Variants in PDXDC1 observed in about 807,000 individuals in gnomAD.
PDXDC1 encodes the protein pyridoxal-dependent decarboxylase domain-containing protein 1.
PDXDC1 carries 42 observed loss-of-function variants against 100.1 expected under a neutral mutation model. That is an observed-to-expected ratio of 0.42 (90% CI 0.33 to 0.54). PDXDC1 has a LOEUF of 0.54. PDXDC1 is among the 20% of genes least tolerant of loss of function. The pLI is 0.10. For synonymous variants in PDXDC1, 260 were observed against 371.7 expected (o/e 0.70, Z 3.46); for missense variants, 636 against 979.2 (o/e 0.65, Z 4.68).
chr16:15,038,458 A>AAGTT (rs1427490419), downstream of PDXDC1: 2 of 665,064 alleles, frequency 3.0e-6, no homozygotes, highest in East Asian at 2.7e-5. Context: ...GGCATCCAAA[A>AAGTT]AGTTACTACC....
At chr16:15,058,694 G>A (rs1312995230) in intron 16 of PDXDC1, among the ~76,000 whole-genome samples, 1 of 152,182 alleles carries the variant, frequency 6.6e-6, no homozygotes, top group Admixed American at 6.5e-5. Context: ...TTGCACCACT[G>A]CACTCCAGCC....
At chr16:15,083,439 A>G (rs1257577532) in intron 16 of PDXDC1, 1 of 1,577,874 alleles carries the variant, frequency 6.3e-7, no homozygotes, top group African/African-American at 1.4e-5. Context: ...AAGAAAGAAA[A>G]AGACCTAATA....
chr16:15,125,941 G>A (rs2047694394), intron 16 of PDXDC1: 1 of 631,456 alleles, frequency 1.6e-6, no homozygotes, highest in Admixed American at 2.4e-5. Flanking sequence ...TGGATATATG[G>A]GACATCTGCA....
chr16:15,002,910 A>G (rs1415828314), intron 4 of PDXDC1, among the ~76,000 whole-genome samples: 3 of 152,170 alleles, frequency 2.0e-5, no homozygotes, highest in Admixed American at 1.3e-4. Context: ...CAGGTTTTTT[A>G]AATTATGAAC....
downstream of PDXDC1, chr16:15,040,976 C>T (rs115492592): frequency 1.2e-3 from 1,052 of 877,440 alleles, 9 homozygotes; most frequent in African/African-American, 0.015. Context: ...GCTGTCCCAT[C>T]CTGACAGCAG....
intron 1 of PDXDC1, among the ~76,000 whole-genome samples, chr16:14,977,733 TTTAA>T (rs1301372468): frequency 6.6e-6 from 1 of 152,282 alleles, no homozygotes; most frequent in East Asian, 1.9e-4. Context: ...AAGTGAAACA[TTTAA>T]TTGTGTTCAT....
chr16:15,072,688 C>T (rs1000454839), intron 16 of PDXDC1, among the ~76,000 whole-genome samples: 2 of 151,874 alleles, frequency 1.3e-5, no homozygotes, highest in Non-Finnish European at 2.9e-5. Flanking sequence ...TCCCAGCTAT[C>T]GAGAGGGTAA....
downstream of PDXDC1, among the ~76,000 whole-genome samples, chr16:15,042,185 CTTTTT>C (rs34790085): frequency 1.5e-5 from 2 of 135,568 alleles, no homozygotes; most frequent in Admixed American, 7.7e-5. Context: ...AATTTTATAT[CTTTTT>C]TTTTTTTTTT....
At chr16:15,042,086 G>A (rs16966952), downstream of PDXDC1, among the ~76,000 whole-genome samples, 44,556 of 151,968 alleles carry the variant, frequency 0.29, 7,138 homozygotes, top group Admixed American at 0.44. Context: ...AAGGAAGTCG[G>A]TTTTTAATGT....
chr16:14,983,430 G>A (rs1295902476), intron 1 of PDXDC1, among the ~76,000 whole-genome samples: 9 of 152,152 alleles, frequency 5.9e-5, no homozygotes, highest in African/African-American at 1.9e-4. Flanking sequence ...AAAACTAGCC[G>A]GGTGTCGTGG....
rs1209338406 is a variant in PDXDC1, at chr16:15,038,150, A to AGGTAGATCTAATATGTTCAACAAAGTG, written c.*1878_*1904dup. The AGGTAGATCTAATATGTTCAACAAAGTG allele has an allele frequency of 5.0e-6, 8 of 1,613,052 alleles. No individual in the cohort carries two copies. Among genetic ancestry groups the AGGTAGATCTAATATGTTCAACAAAGTG allele is most frequent in the African/African-American group, 1.3e-5 (1 of 74,860 alleles). On this transcript the variant is annotated 3_prime_UTR_variant, in exon 23 of 23. Coordinates refer to ENST00000396410, the MANE Select transcript of PDXDC1 (RefSeq NM_015027.4). ...GATGGGTGTTTTTTTAAAAACATCA[A>AGGTAGATCTAATATGTTCAACAAAGTG]GGTAGATCTAATATGTTCAACAAAG...
At chr16:15,144,568 G>C in the PDXDC1 span, among the ~76,000 whole-genome samples, 2 of 152,192 alleles carry the variant, frequency 1.3e-5, no homozygotes, top group African/African-American at 4.8e-5. Flanking sequence ...GGTTCTCTGG[G>C]TCCCGGACAC....
rs1315950718 is a variant in PDXDC1 at position 15,137,775 on chromosome 16, GGAT to G, written c.1400-1102_1400-1100del. On this transcript the variant is annotated intron_variant, in intron 16 of 16. Transcript: ENST00000535621. Reference sequence around the variant, plus strand: ...TCACCACAGCCACTGTCCAGCAAGGGGATGCCAAGCAGAGGCTGGCCAGCCAGG... The same window carrying G: ...TCACCACAGCCACTGTCCAGCAAGGGGCCAAGCAGAGGCTGGCCAGCCAGG... 2.6e-6 allele frequency: 4 copies of G among 1,565,988 alleles called. No individual in the cohort carries two copies. The African/African-American group carries it at 4.0e-5, about 16-fold the overall frequency.
intron 16 of PDXDC1, chr16:15,044,239 T>G: frequency 1.2e-6 from 1 of 800,934 alleles, no homozygotes; most frequent in South Asian, 1.5e-5. Context: ...GGTGTGCCCT[T>G]CTTGGGTTTT....
At chr16:15,051,176 C>G (rs925586271) in intron 16 of PDXDC1, among the ~76,000 whole-genome samples, 5 of 152,222 alleles carry the variant, frequency 3.3e-5, no homozygotes, top group Non-Finnish European at 5.9e-5. Context: ...CACTCATGTT[C>G]ACAATTGGGT....
chr16:15,009,201 C>T (rs2041051430), intron 7 of PDXDC1: 1 of 382,626 alleles, frequency 2.6e-6, no homozygotes, highest in East Asian at 6.9e-5. Flanking sequence ...AAATGAGGTT[C>T]TTCATTGTCA....
chr16:15,140,746 C>T (rs1394570124), downstream of PDXDC1, among the ~76,000 whole-genome samples: 1 of 152,110 alleles, frequency 6.6e-6, no homozygotes, highest in Non-Finnish European at 1.5e-5. Flanking sequence ...CTCCCCTCGG[C>T]CTCAAGCACC....
intron 1 of PDXDC1, among the ~76,000 whole-genome samples, chr16:14,995,477 C>A (rs1971762520): frequency 6.6e-6 from 1 of 152,296 alleles, no homozygotes; most frequent in South Asian, 2.1e-4. Context: ...AGCCTTGCAT[C>A]CCAGGGATGA....
At chr16:15,045,597 C>T (rs1422443676) in intron 16 of PDXDC1, 2 of 152,586 alleles carry the variant, frequency 1.3e-5, no homozygotes, top group African/African-American at 2.4e-5. Flanking sequence ...CAGGGTGAAA[C>T]CCCGGCTCTA....
Sources: allele counts gnomAD v4.1 joint callset (sites outside exome capture counted in the v4.1 genomes callset), GRCh38; gene constraint gnomAD v4.1.1; transcripts MANE v1.5; gene names NCBI Gene and HGNC (gene_info 2026-07-23, HGNC 2026-07-21).